HIPK3: variants seen among roughly 807,000 people sequenced by gnomAD.
The protein encoded by HIPK3 is homeodomain interacting protein kinase 3, also known as homeodomain-interacting protein kinase 3.
Under a neutral mutation model 124.2 loss-of-function variants are expected in HIPK3, and 47 were observed. The observed-to-expected ratio is 0.38, with a 90% CI of 0.30 to 0.48. The LOEUF is 0.48. HIPK3 is among the 20% of genes least tolerant of loss of function. HIPK3 has a pLI of 0.98. For synonymous variants in HIPK3, 482 were observed against 515.2 expected, an observed-to-expected ratio of 0.94 and a Z score of 0.87; for missense variants, 1,286 against 1,454.3, an observed-to-expected ratio of 0.88 and a Z score of 1.88.
intron 16 of HIPK3, among the ~76,000 whole-genome samples, chr11:33,352,517 ATC>A (rs1229724185): frequency 2.0e-5 from 3 of 152,200 alleles, no homozygotes; most frequent in African/African-American, 7.2e-5. Context: ...TGTGTCTGTT[ATC>A]TCAGAACATC....
chr11:33,314,481 C>T (rs897913450), intron 2 of HIPK3, among the ~76,000 whole-genome samples: 59 of 152,148 alleles, frequency 3.9e-4, no homozygotes, highest in Non-Finnish European at 8.4e-4. Context: ...GGTAAAAACC[C>T]GTCTCTACTA....
intron 2 of HIPK3, among the ~76,000 whole-genome samples, chr11:33,313,398 G>A (rs1590390699): frequency 6.6e-6 from 1 of 152,140 alleles, no homozygotes; most frequent in Non-Finnish European, 1.5e-5. Flanking sequence ...CAAATATACT[G>A]TAGCTATGCA....
intron 1 of HIPK3, among the ~76,000 whole-genome samples, chr11:33,273,983 C>G (rs1851206553): frequency 6.6e-6 from 1 of 152,160 alleles, no homozygotes. Flanking sequence ...ATTTACATTA[C>G]TGTAGAGTGA....
chr11:33,276,922 C>T (rs564494429), intron 1 of HIPK3, among the ~76,000 whole-genome samples: 2 of 152,218 alleles, frequency 1.3e-5, no homozygotes, highest in African/African-American at 4.8e-5. Context: ...CCAGGCTGAT[C>T]TCAAACTCCT....
rs1853800569 is a variant in HIPK3, at chr11:33,355,791, G to T, written c.*2223G>T. The T allele has an allele frequency of 6.6e-6, 1 of 151,742 alleles. No homozygotes were observed. The highest frequency in any genetic ancestry group is 1.5e-5 in the Non-Finnish European group (1 of 67,832). 9.4% of individuals were successfully genotyped at this position (151,742 alleles called of 1,614,324 possible). A position where few individuals can be genotyped will look rare whatever the true frequency, so the allele number is the denominator to read the frequency against. On this transcript the variant is annotated 3_prime_UTR_variant, in exon 17 of 17. Coordinates refer to ENST00000303296, the MANE Select transcript of HIPK3 (RefSeq NM_005734.5). ...GACTTAATTTTCCCCACAAGTTTCA[G>T]TGTTTTTAGTAATTAATTCTATGCA...
chr11:33,270,872 T>G (rs1428783388), intron 1 of HIPK3, among the ~76,000 whole-genome samples: 1 of 152,214 alleles, frequency 6.6e-6, no homozygotes, highest in Non-Finnish European at 1.5e-5. Context: ...TATTTTAATT[T>G]TAAGCATATG....
intron 1 of HIPK3, among the ~76,000 whole-genome samples, chr11:33,261,524 G>A (rs1236776053): frequency 1.3e-5 from 2 of 152,100 alleles, no homozygotes; most frequent in Non-Finnish European, 2.9e-5. Context: ...CCCCATCCAT[G>A]TTCCTGCAAA....
intron 1 of HIPK3, among the ~76,000 whole-genome samples, chr11:33,269,032 A>G (rs1239084938): frequency 6.6e-6 from 1 of 152,210 alleles, no homozygotes; most frequent in Non-Finnish European, 1.5e-5. Flanking sequence ...TAAAGTGTAT[A>G]ATAGATGTTG....
intron 2 of HIPK3, among the ~76,000 whole-genome samples, chr11:33,314,330 A>T (rs567033428): frequency 3.9e-5 from 6 of 152,168 alleles, no homozygotes; most frequent in Admixed American, 2.6e-4. Flanking sequence ...GGATTAAGTG[A>T]GATAATGAAT....
At chr11:33,316,267 G>A (rs1852499391) in intron 2 of HIPK3, among the ~76,000 whole-genome samples, 1 of 152,182 alleles carries the variant, frequency 6.6e-6, no homozygotes. Flanking sequence ...GCTTTAACCT[G>A]AAATAAACTC....
chr11:33,347,784 A>T, intron 10 of HIPK3, 31 bp downstream of exon 10: 1 of 1,613,082 alleles, frequency 6.2e-7, no homozygotes, highest in Non-Finnish European at 8.5e-7. Flanking sequence ...CTTTGTGAAT[A>T]GTTTGCAGAC....
At chr11:33,317,692 A>G (rs1852547083) in intron 2 of HIPK3, among the ~76,000 whole-genome samples, 1 of 152,160 alleles carries the variant, frequency 6.6e-6, no homozygotes, top group Non-Finnish European at 1.5e-5. Flanking sequence ...TTAGGTGTGT[A>G]TCCTTCTATT....
At position 33,347,832 on chromosome 11, in the gene HIPK3, T is replaced by A. The variant is rs1188867313; in HGVS notation, c.2145-20T>A. The A allele has an allele frequency of 6.2e-7, 1 of 1,613,664 alleles. No individual in the cohort carries two copies. The highest frequency in any genetic ancestry group is 1.3e-5 in the African/African-American group (1 of 74,936). On this transcript the variant is annotated intron_variant, in intron 10 of 16. Coordinates refer to ENST00000303296, the MANE Select transcript of HIPK3 (RefSeq NM_005734.5). The stretch of plus-strand genomic sequence containing the variant: ...AAAGAAAGATCTTGATTAAAAACAT[T>A]GTTCTGAACTTCTCCCTAGGAAGAT...
rs773440351 is a variant in HIPK3, at chr11:33,351,677, G to T, written c.2877G>T (p.Gly959=). 1.4e-5 allele frequency: 23 copies of T among 1,614,042 alleles called. No homozygotes were observed. The highest frequency in any genetic ancestry group is 3.3e-4 in the Middle Eastern group (2 of 6,084). ...VDGSPTSDSS[G]HDSPFAESTF... ...GCTCTCCGACATCTGACTCTTCCGG[G>T]CATGACAGTCCATTTGCAGAGAGCA... The change falls in exon 15 of 17, where the codon GGG becomes GGT. Residue 959 remains glycine, a synonymous_variant. Coordinates refer to ENST00000303296, the MANE Select transcript of HIPK3 (RefSeq NM_005734.5).
intron 3 of HIPK3, among the ~76,000 whole-genome samples, chr11:33,329,249 A>G (rs1852900836): frequency 6.6e-6 from 1 of 152,038 alleles, no homozygotes. Flanking sequence ...ATTAATACCA[A>G]GATTATTTTT....
At chr11:33,287,908 T>A (rs975409571) in intron 2 of HIPK3, among the ~76,000 whole-genome samples, 1 of 152,326 alleles carries the variant, frequency 6.6e-6, no homozygotes, top group South Asian at 2.1e-4. Flanking sequence ...CATATGTAAC[T>A]GAACATTTAG....
At chr11:33,351,536 C>A (rs1304421221) in intron 14 of HIPK3, 72 bp from the exon 15 acceptor site, 2 of 1,017,238 alleles carry the variant, frequency 2.0e-6, no homozygotes, top group African/African-American at 3.2e-5. Flanking sequence ...TCACTGGAGC[C>A]TGAATATTAC....
chr11:33,349,087 G>C lies in HIPK3; in HGVS notation c.2667-60G>C. ...CCTTAATTAAAGAATATAAATTTTG[G>C]CTATTTGGAGAGTATCTTCTTGTAT... On this transcript the variant is annotated intron_variant, in intron 13 of 16. Transcript: ENST00000303296. 5 of 1,486,082 alleles carry C rather than the reference G, an allele frequency of 3.4e-6. No homozygotes were observed. In the South Asian group the frequency reaches 6.1e-5, roughly 18 times the overall value. 92.1% of individuals were successfully genotyped at this position (1,486,082 alleles called of 1,614,324 possible).
intron 1 of HIPK3, among the ~76,000 whole-genome samples, chr11:33,279,051 A>G (rs1565059188): frequency 6.6e-6 from 1 of 152,154 alleles, no homozygotes; most frequent in Non-Finnish European, 1.5e-5. Flanking sequence ...CTGGTGGCTC[A>G]TGCTTGTAAT....
Sources: gnomAD v4.1 joint callset for allele counts (sites outside exome capture counted in the v4.1 genomes callset) on GRCh38, gnomAD v4.1.1 for gene constraint, MANE v1.5 for transcripts, NCBI Gene and HGNC (gene_info 2026-07-23, HGNC 2026-07-21) for gene names.